The following PCDH19 variants were observed in gnomAD, a reference collection of about 807,000 sequenced individuals.
PCDH19 encodes the protein protocadherin 19, also known as protocadherin-19.
In PCDH19, 6 loss-of-function variants were observed where a neutral mutation model predicts 46.2. That is an observed-to-expected ratio of 0.13 (90% CI 0.07 to 0.26). The LOEUF (loss-of-function observed/expected upper bound fraction) is 0.26. Ranked by LOEUF, PCDH19 falls within the 10% of genes least tolerant of loss-of-function variation. The pLI, the probability that PCDH19 is intolerant of heterozygous loss-of-function variation, is 1.00. For synonymous variants in PCDH19, 481 were observed against 415.7 expected, an observed-to-expected ratio of 1.16 and a Z score of -1.91; for missense variants, 740 against 972.3, an observed-to-expected ratio of 0.76 and a Z score of 3.18.
chrX:100,340,145 A>G (rs1032287043), intron 5 of PCDH19, among the ~76,000 whole-genome samples: 1 of 111,585 alleles, frequency 9.0e-6, no homozygotes, highest in African/African-American at 3.3e-5. Flanking sequence ...AAATTTAGGT[A>G]TGCATTCACA....
chrX:100,321,851 G>A (rs1467452819), intron 5 of PCDH19, among the ~76,000 whole-genome samples: 4 of 95,939 alleles, frequency 4.2e-5, no homozygotes, highest in Non-Finnish European at 6.1e-5. Flanking sequence ...GTACAGTGGC[G>A]CGATCTCGGC....
At chrX:100,373,599 GA>G (rs1272196631) in intron 3 of PCDH19, among the ~76,000 whole-genome samples, 1 of 111,997 alleles carries the variant, frequency 8.9e-6, no homozygotes, top group Non-Finnish European at 1.9e-5. Context: ...TCCTTTCTTC[GA>G]AAAAAGAGCA....
At chrX:100,358,503 C>T (rs1926784811) in intron 3 of PCDH19, among the ~76,000 whole-genome samples, 1 of 112,459 alleles carries the variant, frequency 8.9e-6, no homozygotes, top group African/African-American at 3.2e-5. Flanking sequence ...CTTTTCTTTG[C>T]TCTCATCTTT....
At chrX:100,379,540 A>C (rs1446203119) in intron 3 of PCDH19, among the ~76,000 whole-genome samples, 1 of 112,327 alleles carries the variant, frequency 8.9e-6, no homozygotes, top group Non-Finnish European at 1.9e-5. Flanking sequence ...ACGGTGGCCA[A>C]GTTGAATAAA....
intron 5 of PCDH19, among the ~76,000 whole-genome samples, chrX:100,334,776 G>GTGTGTA (rs1926032714): frequency 9.2e-6 from 1 of 108,511 alleles, no homozygotes; most frequent in Non-Finnish European, 1.9e-5. Context: ...GTGTGTGTGT[G>GTGTGTA]TATAGTGTGT....
chrX:100,347,339 C>G (rs1380827048), intron 4 of PCDH19, among the ~76,000 whole-genome samples: 3 of 111,293 alleles, frequency 2.7e-5, no homozygotes, highest in Non-Finnish European at 3.8e-5. Flanking sequence ...GACTGGATCC[C>G]TTGGCCAACC....
intron 5 of PCDH19, among the ~76,000 whole-genome samples, chrX:100,303,580 G>A (rs946994192): frequency 4.5e-5 from 5 of 111,553 alleles, no homozygotes; most frequent in South Asian, 3.8e-4. Context: ...AATTCCATCC[G>A]TAAAACATTC....
At chrX:100,345,613 TAC>T (rs887192004) in intron 4 of PCDH19, among the ~76,000 whole-genome samples, 7 of 111,779 alleles carry the variant, frequency 6.3e-5, no homozygotes, top group African/African-American at 2.3e-4. Context: ...ATCTGAATGT[TAC>T]AAACAACCTC....
At chrX:100,304,207 C>G (rs1196620631) in intron 5 of PCDH19, among the ~76,000 whole-genome samples, 1 of 111,632 alleles carries the variant, frequency 9.0e-6, no homozygotes, top group Non-Finnish European at 1.9e-5. Flanking sequence ...GTGCCGATAT[C>G]CACGGCTGAA....
At chrX:100,385,567 A>T (rs1302026865) in intron 3 of PCDH19, among the ~76,000 whole-genome samples, 1 of 112,372 alleles carries the variant, frequency 8.9e-6, no homozygotes, top group Non-Finnish European at 1.9e-5. Context: ...TTCAGCCACT[A>T]AAAAATTGCT....
At position 100,406,846 on chromosome X, in the gene PCDH19, G is replaced by A. The variant is rs1240901255; in HGVS notation, c.1752C>T (p.Gly584=). The stretch of plus-strand genomic sequence containing the variant: ...CTGCCTTGACAACAGTCACCAGGTA[G>A]CCTATGCCAGAGTTGCGGGGTATGT... The part of the protein sequence containing the change: ...EVYIPRNSGI[G]YLVTVVKAED... Residue 584 remains glycine (G), a synonymous_variant, in exon 1 of 6, where the codon GGC becomes GGT. Coordinates refer to ENST00000373034, the MANE Select transcript of PCDH19 (RefSeq NM_001184880.2). 4 of 1,211,951 alleles carry A rather than the reference G, an allele frequency of 3.3e-6. No individual in the cohort carries two copies. The Admixed American group carries it at 8.7e-5, about 26-fold the overall frequency.
At chrX:100,374,265 C>G (rs1927308979) in intron 3 of PCDH19, among the ~76,000 whole-genome samples, 1 of 112,297 alleles carries the variant, frequency 8.9e-6, no homozygotes, top group Admixed American at 9.4e-5. Flanking sequence ...CTTAGCTGTC[C>G]ATTCAAATAA....
intron 5 of PCDH19, among the ~76,000 whole-genome samples, chrX:100,318,592 A>G (rs761024296): frequency 5.8e-4 from 65 of 112,142 alleles, no homozygotes; most frequent in Non-Finnish European, 9.6e-4. Context: ...CATCACATTG[A>G]GATACAAATA....
rs770353924 is a variant in PCDH19, at chrX:100,406,627, G to C, written c.1971C>G (p.Leu657=). ...HGKTSLSASA[L]VLIYLSPALD... ...GAGCAGGGGACAAGTAGATTAGGACGAGAGCAGAGGCAGAGAGAGATGTCT... is the reference window on the plus strand; with the variant it reads ...GAGCAGGGGACAAGTAGATTAGGACCAGAGCAGAGGCAGAGAGAGATGTCT... The change falls in exon 1 of 6, where the codon CTC becomes CTG. Residue 657 remains leucine (L), a synonymous_variant. Transcript: ENST00000373034. 2.6e-5 allele frequency: 32 copies of C among 1,209,785 alleles called. No individual in the cohort carries two copies. The highest frequency in any genetic ancestry group is 3.4e-5 in the Non-Finnish European group (30 of 895,147).
Position 100,382,637 on chromosome X carries a change from T to C in PCDH19, c.2616+19887A>G, listed in dbSNP as rs190559924. On this transcript the variant is annotated intron_variant, in intron 3 of 5. Coordinates refer to ENST00000373034, the MANE Select transcript of PCDH19 (RefSeq NM_001184880.2). ...AACCCCAAGCCAGTGGTCCATGAAA[T>C]TGCCATCTCCAGAGCTTCCTAGCTA... Among the ~76,000 whole-genome samples the C allele has an allele frequency of 2.8e-3, 317 of 111,964 alleles. 2 individuals are homozygous for C. The highest frequency in any genetic ancestry group is 2.3e-3 in the East Asian group (8 of 3,547).
chrX:100,329,867 G>A (rs138279783), intron 5 of PCDH19, among the ~76,000 whole-genome samples: 4,898 of 111,658 alleles, frequency 0.044, 253 homozygotes, highest in East Asian at 0.25. Flanking sequence ...AGCTGAGATC[G>A]CGCCACTGCA....
chrX:100,334,907 T>C (rs766391664), intron 5 of PCDH19, among the ~76,000 whole-genome samples: 1 of 110,365 alleles, frequency 9.1e-6, no homozygotes, highest in South Asian at 3.9e-4. Flanking sequence ...TATAACACAA[T>C]ATGTTAAATA....
intron 3 of PCDH19, among the ~76,000 whole-genome samples, chrX:100,381,409 T>G (rs1258807117): frequency 8.9e-6 from 1 of 112,066 alleles, no homozygotes; most frequent in Non-Finnish European, 1.9e-5. Context: ...CCAAGCCTCT[T>G]GTAGCCGTTG....
chrX:100,297,304 A>G (rs765222104), intron 5 of PCDH19, among the ~76,000 whole-genome samples: 2 of 111,010 alleles, frequency 1.8e-5, no homozygotes, highest in South Asian at 7.9e-4. Context: ...CCTTGGCCAT[A>G]TTTTTGAACA....
Sources: gnomAD v4.1 joint callset for allele counts (sites outside exome capture counted in the v4.1 genomes callset) on GRCh38, gnomAD v4.1.1 for gene constraint, MANE v1.5 for transcripts, NCBI Gene and HGNC (gene_info 2026-07-23, HGNC 2026-07-21) for gene names.